The following SEMA4B variants were observed in gnomAD, a reference collection of about 807,000 sequenced individuals.
SEMA4B encodes the protein semaphorin 4B, also known as semaphorin-4B.
In SEMA4B, 55 loss-of-function variants were observed where a neutral mutation model predicts 88.1. The observed-to-expected ratio is 0.62, with a 90% CI of 0.50 to 0.78. SEMA4B has a LOEUF of 0.78. SEMA4B is among the 30% of genes least tolerant of loss of function. The pLI is 0.00. For synonymous variants in SEMA4B, 525 were observed against 473.6 expected (o/e 1.11, Z -1.41); for missense variants, 1,062 against 1,111.9 (o/e 0.96, Z 0.64).
In SEMA4B at chr15:90,221,933, CTT is replaced by C. The variant is rs139755710; in HGVS notation, c.861+179_861+180del. On this transcript the variant is annotated intron_variant, in intron 7 of 13. Coordinates refer to ENST00000411539, the MANE Select transcript of SEMA4B (RefSeq NM_198925.4). ...AATTAAAATATCTTACTACTTTTTT[CTT>C]TTTTTTTTTTCTTTTTATTTTTAGA... 7.2e-3 allele frequency among the ~76,000 whole-genome samples: 1,052 copies of C among 145,272 alleles called. 15 individuals are homozygous for C. Among genetic ancestry groups the C allele is most frequent in the African/African-American group, 0.025 (990 of 39,382 alleles).
rs923167529 is a variant in SEMA4B at position 90,228,633 on chromosome 15, CTG to C, written c.2507_2508del (p.Val836GlyfsTer17). On this transcript the variant is annotated frameshift_variant, in exon 14 of 14. Transcript: ENST00000411539. LOFTEE classifies it high-confidence loss of function. ...CGCCTTGGCTCGGAGATCCGTGACT[CTG>C]TGGTGTGAGAGCTGACTTCCAGAGG... 1.9e-6 allele frequency: 3 copies of C among 1,613,188 alleles called. No homozygotes were observed. In the African/African-American group the frequency reaches 4.0e-5, roughly 22 times the overall value.
At position 90,201,387 on chromosome 15, in the gene SEMA4B, T is replaced by C; in HGVS notation, c.-192T>C. The C allele has an allele frequency of 1.6e-6, 2 of 1,264,940 alleles. No homozygotes were observed. The highest frequency in any genetic ancestry group is 2.0e-6 in the Non-Finnish European group (2 of 1,006,394). The allele number at this position is 1,264,940 out of a possible 1,614,324, so 78.4% of individuals were successfully genotyped here. The stretch of plus-strand genomic sequence containing the variant: ...GCGGGGCCGGCGCCGGCGGGAGGAC[T>C]GCGGTGCCCCGCGGAGGGGCTGAGT... On this transcript the variant is annotated 5_prime_UTR_variant, in exon 1 of 14. Coordinates refer to ENST00000411539, the MANE Select transcript of SEMA4B (RefSeq NM_198925.4).
chr15:90,209,890 G>A (rs1961177820), intron 1 of SEMA4B, among the ~76,000 whole-genome samples: 1 of 152,226 alleles, frequency 6.6e-6, no homozygotes, highest in Non-Finnish European at 1.5e-5. Context: ...CAAGAGGTGG[G>A]TGGGTGGCAA....
upstream of SEMA4B, among the ~76,000 whole-genome samples, chr15:90,198,729 A>C (rs568269712): frequency 2.6e-5 from 4 of 152,196 alleles, no homozygotes; most frequent in East Asian, 7.7e-4. Flanking sequence ...TGAGGGGAAA[A>C]GTAGTAGAGG....
chr15:90,211,428 C>A (rs1288677601), intron 1 of SEMA4B, among the ~76,000 whole-genome samples: 2 of 152,192 alleles, frequency 1.3e-5, no homozygotes, highest in African/African-American at 4.8e-5. Context: ...ACCCTTGGCA[C>A]ACAATACCCC....
intron 7 of SEMA4B, among the ~76,000 whole-genome samples, chr15:90,222,952 G>A (rs902709704): frequency 5.9e-5 from 6 of 102,236 alleles, no homozygotes; most frequent in African/African-American, 1.7e-4. Flanking sequence ...GTGTAACTCT[G>A]TGTATATATA....
intron 1 of SEMA4B, among the ~76,000 whole-genome samples, chr15:90,213,430 G>A (rs1961368654): frequency 6.6e-6 from 1 of 152,258 alleles, no homozygotes; most frequent in African/African-American, 2.4e-5. Context: ...TCCCCTTTCT[G>A]TCCCTTTGTC....
At position 90,228,152 on chromosome 15, in the gene SEMA4B, G is replaced by A; in HGVS notation, c.2023G>A (p.Val675Met). The change falls in exon 14 of 14, where the codon GTG (valine) becomes ATG (methionine). Residue 675 changes from valine to methionine, a missense_variant. Val to Met is a conservative substitution (Grantham distance 21). Transcript: ENST00000411539. ...QLVASYCPEV[V>M]EDGVADQTDE... ...GGTAGCCAGCTACTGCCCAGAGGTGGTGGAGGACGGGGTGGCAGACCAAAC... is the reference window on the plus strand; with the variant it reads ...GGTAGCCAGCTACTGCCCAGAGGTGATGGAGGACGGGGTGGCAGACCAAAC... The A allele has an allele frequency of 6.2e-7, 1 of 1,611,236 alleles. No homozygotes were observed. Among genetic ancestry groups the A allele is most frequent in the Non-Finnish European group, 8.5e-7 (1 of 1,178,732 alleles).
In SEMA4B at chr15:90,225,317, C is replaced by T. The variant is rs1378093625; in HGVS notation, c.1441C>T (p.Pro481Ser). ...GCTCCACAAGGCAGTGAGCGTGGGC[C>T]CCCGGGTGCACATCATTGAGGAGCT... is the stretch of plus-strand genomic sequence containing the variant. ...GRLHKAVSVG[P>S]RVHIIEELQI... The change falls in exon 11 of 14, where the codon CCC (proline) becomes TCC (serine). Residue 481 changes from proline (P) to serine (S), a missense_variant. Pro to Ser is a moderately conservative substitution (Grantham distance 74). Transcript: ENST00000411539. 10 of 1,558,884 alleles carry T rather than the reference C, an allele frequency of 6.4e-6. No homozygotes were observed. Among genetic ancestry groups the T allele is most frequent in the Middle Eastern group, 2.0e-4 (1 of 4,932 alleles).
chr15:90,185,924 ATTTTTTTTT>A (rs398028319), intron 1 of SEMA4B, among the ~76,000 whole-genome samples: 5 of 55,456 alleles, frequency 9.0e-5, no homozygotes, highest in South Asian at 9.6e-4. Flanking sequence ...TCTTTTGGTG[ATTTTTTTTT>A]TTTTTTTTTT....
In SEMA4B at chr15:90,190,778, T is replaced by C. The variant is rs1377802666; in HGVS notation, c.-122+5697T>C. Among the ~76,000 whole-genome samples the C allele has an allele frequency of 2.0e-5, 3 of 151,964 alleles. No homozygotes were observed. The South Asian group carries it at 6.2e-4, about 31-fold the overall frequency. On this transcript the variant is annotated intron_variant, in intron 1 of 14. Coordinates refer to the SEMA4B transcript ENST00000332496. The stretch of plus-strand genomic sequence containing the variant: ...GTGTCTGTGTCAGTGTCTTGCTCTG[T>C]GTGCATGTGTGTGTATGTGTGTGTG...
chr15:90,217,352 C>G, intron 1 of SEMA4B, 87 bp from the exon 2 acceptor site: 1 of 1,407,144 alleles, frequency 7.1e-7, no homozygotes, highest in East Asian at 2.5e-5. Context: ...GATTACCTTC[C>G]TTTAAACCAG....
At chr15:90,227,794 C>T in intron 13 of SEMA4B, 110 bp from the exon 14 acceptor site, 1 of 1,529,124 alleles carries the variant, frequency 6.5e-7, no homozygotes, top group South Asian at 1.2e-5. Context: ...CCCAGGGGTC[C>T]CCGGAGTTGC....
At position 90,225,119 on chromosome 15, in the gene SEMA4B, T is replaced by G; in HGVS notation, c.1346T>G (p.Val449Gly). The G allele has an allele frequency of 6.2e-7, 1 of 1,613,600 alleles. No individual in the cohort carries two copies. Reference sequence around the variant, plus strand: ...CAGCCCCAGGCTCGCTACCAGCGCGTGGCTGTACACCGCGTCCCTGGCCTG... The same window carrying G: ...CAGCCCCAGGCTCGCTACCAGCGCGGGGCTGTACACCGCGTCCCTGGCCTG... ...LLQPQARYQR[V>G]AVHRVPGLHH... is the part of the protein sequence containing the mutation. Residue 449 changes from valine to glycine, a missense_variant, in exon 10 of 14, where the codon GTG becomes GGG. By Grantham distance (109) the Val-to-Gly change is moderately radical. Coordinates refer to ENST00000411539, the MANE Select transcript of SEMA4B (RefSeq NM_198925.4).
In SEMA4B at chr15:90,228,219, G is replaced by A. The variant is rs1055531681; in HGVS notation, c.2090G>A (p.Arg697His). ...GTACCCGTCATTATCAGCACATCGC[G>A]TGTGAGTGCACCAGCTGGTGGCAAG... is the stretch of plus-strand genomic sequence containing the variant. ...GSVPVIISTSRVSAPAGGKAS... is the reference protein window; with the variant it reads ...GSVPVIISTSHVSAPAGGKAS... The change falls in exon 14 of 14, where the codon CGT (arginine) becomes CAT (histidine). Residue 697 changes from arginine (R) to histidine (H), a missense_variant. Coordinates refer to ENST00000411539, the MANE Select transcript of SEMA4B (RefSeq NM_198925.4). 5.6e-6 allele frequency: 9 copies of A among 1,607,414 alleles called. No homozygotes were observed. The highest frequency in any genetic ancestry group is 4.5e-5 in the East Asian group (2 of 44,850).
intron 1 of SEMA4B, among the ~76,000 whole-genome samples, chr15:90,187,791 G>A (rs1470557203): frequency 6.6e-6 from 1 of 152,148 alleles, no homozygotes; most frequent in African/African-American, 2.4e-5. Flanking sequence ...CAGATCACGA[G>A]GTCAGGAGAT....
chr15:90,219,622 C>T (rs916950795), intron 3 of SEMA4B, 171 bp from the exon 4 acceptor site: 10 of 599,212 alleles, frequency 1.7e-5, no homozygotes, highest in African/African-American at 3.7e-5. Flanking sequence ...ACTCTGTGCA[C>T]GCTCCACTGT....
chr15:90,192,485 C>G (rs751239695), intron 1 of SEMA4B, among the ~76,000 whole-genome samples: 11 of 151,792 alleles, frequency 7.2e-5, no homozygotes, highest in Admixed American at 2.6e-4. Flanking sequence ...TGCCCTGCAT[C>G]TGTTCCCTTT....
At chr15:90,204,109 G>C (rs73477807) in intron 1 of SEMA4B, among the ~76,000 whole-genome samples, 1 of 152,132 alleles carries the variant, frequency 6.6e-6, no homozygotes, top group Non-Finnish European at 1.5e-5. Context: ...CCTCATCCCA[G>C]GGGGCTCATT....
Sources: allele counts gnomAD v4.1 joint callset (sites outside exome capture counted in the v4.1 genomes callset), GRCh38; gene constraint gnomAD v4.1.1; transcripts MANE v1.5; gene names NCBI Gene and HGNC (gene_info 2026-07-23, HGNC 2026-07-21).